Variants in ZKSCAN5 observed in about 807,000 individuals in gnomAD.
ZKSCAN5 encodes the protein zinc finger protein with KRAB and SCAN domains 5.
ZKSCAN5 carries 28 observed loss-of-function variants against 60.0 expected under a neutral mutation model. That is an observed-to-expected ratio of 0.47 (90% CI 0.35 to 0.64). ZKSCAN5 has a LOEUF of 0.64. Ranked by LOEUF, ZKSCAN5 falls within the 30% of genes least tolerant of loss-of-function variation. The pLI is 0.01. For missense variants in ZKSCAN5, 881 were observed against 1,034.6 expected, an observed-to-expected ratio of 0.85 and a Z score of 2.04; for synonymous variants, 361 against 371.2, an observed-to-expected ratio of 0.97 and a Z score of 0.31.
chr7:99,505,772 T>G (rs1800692933), intron 1 of ZKSCAN5: 2 of 332,604 alleles, frequency 6.0e-6, no homozygotes, highest in Non-Finnish European at 1.1e-5. Context: ...TGGCTCTCTT[T>G]TACACTTTTA....
rs1358774944 is a variant in ZKSCAN5, at chr7:99,531,959, C to A, written c.2230C>A (p.Pro744Thr). The change falls in exon 7 of 7, where the codon CCC becomes ACC. Residue 744 changes from proline (P) to threonine (T), a missense_variant. By Grantham distance (38) the Pro-to-Thr change is conservative (BLOSUM62 -1). Coordinates refer to ENST00000326775, the MANE Select transcript of ZKSCAN5 (RefSeq NM_145102.4). ...TTACAGAACTCATACAGCAGAGAAGCCCTATCAATGTGATATATGTAGAGA... is the reference window on the plus strand; with the variant it reads ...TTACAGAACTCATACAGCAGAGAAGACCTATCAATGTGATATATGTAGAGA... ...QHYRTHTAEK[P>T]YQCDICRENV... 1 of 1,614,150 alleles carries A rather than the reference C, an allele frequency of 6.2e-7. No homozygotes were observed. Among genetic ancestry groups the A allele is most frequent in the Non-Finnish European group, 8.5e-7 (1 of 1,180,036 alleles).
In ZKSCAN5 at chr7:99,531,648, A is replaced by G. The variant is rs149657138; in HGVS notation, c.1919A>G (p.Lys640Arg). The G allele has an allele frequency of 6.2e-7, 1 of 1,614,206 alleles. No homozygotes were observed. Among genetic ancestry groups the G allele is most frequent in the Non-Finnish European group, 8.5e-7 (1 of 1,180,040 alleles). Reference sequence around the variant, plus strand: ...CCCTTCAAGTGTAACGAATGTGGGAAAGGCTTTGGGAGGCGTTCCCACCTG... The same window carrying G: ...CCCTTCAAGTGTAACGAATGTGGGAGAGGCTTTGGGAGGCGTTCCCACCTG... ...ERPFKCNECG[K>R]GFGRRSHLAG... The change falls in exon 7 of 7, where the codon AAA (lysine) becomes AGA (arginine). Residue 640 changes from lysine (K) to arginine (R), a missense_variant. Lys to Arg is a conservative substitution (Grantham distance 26, BLOSUM62 2). Transcript: ENST00000326775.
At chr7:99,525,661 T>A in intron 5 of ZKSCAN5, 152 bp from the exon 6 acceptor site, 1 of 1,123,564 alleles carries the variant, frequency 8.9e-7, no homozygotes, top group Non-Finnish European at 1.2e-6. Context: ...CTTTTCTGCT[T>A]GAATATTTTT....
intron 6 of ZKSCAN5, among the ~76,000 whole-genome samples, chr7:99,527,523 C>T (rs1049923862): frequency 6.6e-6 from 1 of 151,954 alleles, no homozygotes; most frequent in Admixed American, 6.6e-5. Flanking sequence ...AAATATTAAG[C>T]GTACACATTT....
At chr7:99,508,479 C>T (rs545807171) in intron 2 of ZKSCAN5, among the ~76,000 whole-genome samples, 68 of 152,100 alleles carry the variant, frequency 4.5e-4, no homozygotes, top group African/African-American at 1.6e-3. Flanking sequence ...ATTGGCCGGG[C>T]ATGGTGACTC....
Position 99,531,429 on chromosome 7 carries a change from A to C in ZKSCAN5, c.1700A>C (p.His567Pro). Reference protein sequence around the residue: ...SFIQSAHLIQHQRIHTGEKPF... With the variant: ...SFIQSAHLIQPQRIHTGEKPF... ...ATTCAGAGTGCACATCTTATTCAAC[A>C]TCAAAGAATACACACTGGGGAGAAA... The change falls in exon 7 of 7, where the codon CAT becomes CCT. Residue 567 changes from histidine (H) to proline (P), a missense_variant. His to Pro is a moderately conservative substitution (Grantham distance 77, BLOSUM62 -2). Transcript: ENST00000326775. 6.2e-7 allele frequency: 1 copy of C among 1,614,220 alleles called. No homozygotes were observed. Among genetic ancestry groups the C allele is most frequent in the Non-Finnish European group, 8.5e-7 (1 of 1,180,034 alleles).
chr7:99,527,304 G>T (rs1801834008), intron 6 of ZKSCAN5, among the ~76,000 whole-genome samples: 1 of 152,188 alleles, frequency 6.6e-6, no homozygotes, highest in South Asian at 2.1e-4. Flanking sequence ...AATAGCCACT[G>T]CACTCCAGAC....
At chr7:99,525,742 AT>A in intron 5 of ZKSCAN5, 70 bp from the exon 6 acceptor site, 1 of 1,534,864 alleles carries the variant, frequency 6.5e-7, no homozygotes, top group Non-Finnish European at 8.8e-7. Flanking sequence ...GTTTCTCTTC[AT>A]TATCCCCTCA....
intron 3 of ZKSCAN5, among the ~76,000 whole-genome samples, chr7:99,512,868 G>A (rs1801103276): frequency 6.6e-6 from 1 of 151,092 alleles, no homozygotes; most frequent in African/African-American, 2.4e-5. Context: ...GGGTACATGT[G>A]CACAATGTGC....
chr7:99,525,121 G>A (rs964693083), intron 5 of ZKSCAN5, among the ~76,000 whole-genome samples: 5 of 151,228 alleles, frequency 3.3e-5, no homozygotes, highest in African/African-American at 9.7e-5. Context: ...AGCCGAGATC[G>A]CGCCACTGCA....
chr7:99,515,257 A>G lies in ZKSCAN5; in HGVS notation c.553+2666A>G, dbSNP rs141365008. Among the ~76,000 whole-genome samples, 439 of 150,256 alleles carry G rather than the reference A, an allele frequency of 2.9e-3. 1 individual carries two copies. The highest frequency in any genetic ancestry group is 0.01 in the African/African-American group (426 of 40,932). ...CCGTCTCTACTAAAAATATGCAACA[A>G]TTATCCAGGCGTGGTGGTACATGCC... is the stretch of plus-strand genomic sequence containing the variant. On this transcript the variant is annotated intron_variant, in intron 3 of 6. Coordinates refer to ENST00000326775, the MANE Select transcript of ZKSCAN5 (RefSeq NM_145102.4).
chr7:99,507,384 A>C (rs1048996843), intron 2 of ZKSCAN5, among the ~76,000 whole-genome samples: 2 of 151,900 alleles, frequency 1.3e-5, no homozygotes, highest in Admixed American at 1.3e-4. Flanking sequence ...TGCAATGACT[A>C]TCTCACATAT....
chr7:99,508,186 G>C (rs1375173910), intron 2 of ZKSCAN5, among the ~76,000 whole-genome samples: 1 of 151,078 alleles, frequency 6.6e-6, no homozygotes, highest in Non-Finnish European at 1.5e-5. Flanking sequence ...GTAATCCCAG[G>C]CACTCGGGAG....
At chr7:99,530,135 G>A (rs78160551) in intron 6 of ZKSCAN5, among the ~76,000 whole-genome samples, 10,395 of 147,612 alleles carry the variant, frequency 0.07, 725 homozygotes, top group East Asian at 0.31. Context: ...CTGGGTTCAA[G>A]CGATTCTCCT....
intron 3 of ZKSCAN5, among the ~76,000 whole-genome samples, chr7:99,514,224 T>C (rs1801166333): frequency 6.6e-6 from 1 of 152,204 alleles, no homozygotes; most frequent in African/African-American, 2.4e-5. Flanking sequence ...TAGAAATACA[T>C]TGTTCATCAT....
At chr7:99,524,839 A>G (rs541667148) in intron 5 of ZKSCAN5, among the ~76,000 whole-genome samples, 1 of 152,258 alleles carries the variant, frequency 6.6e-6, no homozygotes, top group South Asian at 2.1e-4. Context: ...AGATGGGGTT[A>G]GCTGCATAAC....
At chr7:99,505,915 C>A in intron 1 of ZKSCAN5, 90 bp from the exon 2 acceptor site, 1 of 1,127,288 alleles carries the variant, frequency 8.9e-7, no homozygotes, top group Non-Finnish European at 1.3e-6. Flanking sequence ...TCTGTCTTTG[C>A]TAATAATGAT....
chr7:99,511,039 C>T (rs139478552), intron 2 of ZKSCAN5, among the ~76,000 whole-genome samples: 100 of 152,252 alleles, frequency 6.6e-4, no homozygotes, highest in Admixed American at 1.0e-3. Flanking sequence ...CCATCATGCC[C>T]GGCCTGCAGC....
At chr7:99,528,206 C>T (rs1331007766) in intron 6 of ZKSCAN5, among the ~76,000 whole-genome samples, 2 of 148,430 alleles carry the variant, frequency 1.3e-5, no homozygotes, top group Non-Finnish European at 3.0e-5. Context: ...AGTAAAGTGT[C>T]TTTAAAGTTC....
Sources: allele counts gnomAD v4.1 joint callset (sites outside exome capture counted in the v4.1 genomes callset), GRCh38; gene constraint gnomAD v4.1.1; transcripts MANE v1.5; gene names NCBI Gene and HGNC (gene_info 2026-07-23, HGNC 2026-07-21).